SYCP1: variants seen among roughly 807,000 people sequenced by gnomAD.
The protein encoded by SYCP1 is synaptonemal complex protein 1.
A neutral mutation model predicts 153.1 loss-of-function variants in SYCP1; 64 were observed. The observed-to-expected ratio is 0.42, with a 90% CI of 0.34 to 0.51. The LOEUF (loss-of-function observed/expected upper bound fraction) is 0.51, where lower values mean the gene tolerates loss of function less well. SYCP1 is among the 20% of genes least tolerant of loss of function. SYCP1 has a pLI of 0.06. For synonymous variants in SYCP1, 384 were observed against 341.8 expected, an observed-to-expected ratio of 1.12 and a Z score of -1.36; for missense variants, 997 against 1,049.0, an observed-to-expected ratio of 0.95 and a Z score of 0.68.
chr1:114,933,337 G>C (rs1669765927), intron 23 of SYCP1, among the ~76,000 whole-genome samples: 1 of 152,194 alleles, frequency 6.6e-6, no homozygotes, highest in South Asian at 2.1e-4. Context: ...TGAGAGTCCT[G>C]ACTGTTAGAA....
At chr1:114,988,080 C>CAAAAAAA (rs34553973) in intron 30 of SYCP1, among the ~76,000 whole-genome samples, 3 of 114,642 alleles carry the variant, frequency 2.6e-5, no homozygotes, top group Non-Finnish European at 5.1e-5. Flanking sequence ...TGATAAACGG[C>CAAAAAAA]AAAAAAAAAA....
chr1:114,925,827 A>G (rs914362802), intron 21 of SYCP1, among the ~76,000 whole-genome samples: 4 of 152,206 alleles, frequency 2.6e-5, no homozygotes, highest in African/African-American at 7.2e-5. Context: ...ACATATAAGT[A>G]ACATGAAAAT....
At position 114,872,006 on chromosome 1, in the gene SYCP1, CT is replaced by C. The variant is rs71582510; in HGVS notation, c.599-2485del. On this transcript the variant is annotated intron_variant, in intron 8 of 31. Coordinates refer to ENST00000369522, the MANE Select transcript of SYCP1 (RefSeq NM_003176.4). ...GATGCTCTTTTTTTTCTTTCTTTTT[CT>C]TTTTTTTTTTTTTTGGCAGAGATGG... Among the ~76,000 whole-genome samples, 953 of 127,134 alleles carry C rather than the reference CT, an allele frequency of 7.5e-3. 8 individuals are homozygous for C. The highest frequency in any genetic ancestry group is 0.023 in the African/African-American group (800 of 34,744). 83.4% of individuals were successfully genotyped at this position (127,134 alleles called of 152,430 possible).
intron 13 of SYCP1, 135 bp from the exon 14 acceptor site, chr1:114,885,990 C>A: frequency 1.8e-6 from 1 of 557,768 alleles, no homozygotes; most frequent in Non-Finnish European, 3.0e-6. Flanking sequence ...GTGGGCATTC[C>A]AGGGTAGGAA....
chr1:114,977,623 G>C lies in SYCP1; in HGVS notation c.2382+7G>C. On this transcript the variant is annotated splice_region_variant and intron_variant, in intron 28 of 31. Transcript: ENST00000369522. ...TAAAGAAAAAAAAGACAAGGTAAGAGCATATAATTCTCATAGTTTTAAAAT... is the reference window on the plus strand; with the variant it reads ...TAAAGAAAAAAAAGACAAGGTAAGACCATATAATTCTCATAGTTTTAAAAT... The C allele has an allele frequency of 3.4e-6, 5 of 1,481,334 alleles. No homozygotes were observed. Among genetic ancestry groups the C allele is most frequent in the Non-Finnish European group, 4.5e-6 (5 of 1,102,848 alleles). 91.8% of individuals were successfully genotyped at this position (1,481,334 alleles called of 1,614,324 possible).
intron 27 of SYCP1, among the ~76,000 whole-genome samples, chr1:114,975,479 A>G (rs1672750011): frequency 6.6e-6 from 1 of 151,640 alleles, no homozygotes; most frequent in Admixed American, 6.6e-5. Context: ...TACATATACA[A>G]TTTTAGTATT....
chr1:114,923,010 ACT>A (rs1327071880), intron 20 of SYCP1, among the ~76,000 whole-genome samples: 1 of 152,194 alleles, frequency 6.6e-6, no homozygotes, highest in Non-Finnish European at 1.5e-5. Context: ...ATCTCCTTTG[ACT>A]CTATATACCA....
chr1:114,871,097 G>A lies in SYCP1; in HGVS notation c.599-3409G>A, dbSNP rs182621384. On this transcript the variant is annotated intron_variant, in intron 8 of 31. Coordinates refer to ENST00000369522, the MANE Select transcript of SYCP1 (RefSeq NM_003176.4). ...ATATATATTTACAGTAATCCAAGTC[G>A]ACTTTCAAATAACCCTCTACTGCTT... 4.2e-4 allele frequency among the ~76,000 whole-genome samples: 64 copies of A among 151,536 alleles called. 5 individuals are homozygous for A. The East Asian group carries it at 6.0e-3, about 14-fold the overall frequency.
At chr1:114,867,900 A>G (rs1664871485) in intron 8 of SYCP1, among the ~76,000 whole-genome samples, 1 of 152,096 alleles carries the variant, frequency 6.6e-6, no homozygotes, top group Non-Finnish European at 1.5e-5. Flanking sequence ...AGGTTTCTGT[A>G]GATATTCTTT....
At chr1:114,993,839 A>G (rs1199032264) in intron 30 of SYCP1, among the ~76,000 whole-genome samples, 1 of 151,242 alleles carries the variant, frequency 6.6e-6, no homozygotes, top group Non-Finnish European at 1.5e-5. Context: ...ATAACTCTTC[A>G]TCACAACTAA....
rs187863623 is a variant in SYCP1, at chr1:114,930,141, G to A, written c.1926+3578G>A. On this transcript the variant is annotated intron_variant, in intron 23 of 31. Coordinates refer to ENST00000369522, the MANE Select transcript of SYCP1 (RefSeq NM_003176.4). ...GGAAAATGATAAATTATTTTAAACG[G>A]AATGATGAGATAGACATAAAACATA... Among the ~76,000 whole-genome samples, 250 of 151,974 alleles carry A rather than the reference G, an allele frequency of 1.6e-3. 2 individuals carry two copies. The highest frequency in any genetic ancestry group is 5.7e-3 in the African/African-American group (237 of 41,528).
chr1:114,924,878 A>G (rs1278946929), intron 21 of SYCP1, among the ~76,000 whole-genome samples: 3 of 152,104 alleles, frequency 2.0e-5, no homozygotes, highest in Non-Finnish European at 4.4e-5. Flanking sequence ...AGATTGTTAA[A>G]ATTATATTTA....
At chr1:114,859,446 T>G (rs760099322) in intron 6 of SYCP1, among the ~76,000 whole-genome samples, 1 of 152,214 alleles carries the variant, frequency 6.6e-6, no homozygotes, top group Non-Finnish European at 1.5e-5. Context: ...AATGTGACAT[T>G]GTATTAGGAC....
chr1:114,922,274 C>G (rs182409791), intron 20 of SYCP1, among the ~76,000 whole-genome samples: 2 of 152,160 alleles, frequency 1.3e-5, no homozygotes, highest in East Asian at 3.9e-4. Context: ...TAGATTTGCC[C>G]TTTTGAGGCT....
At chr1:114,855,275 C>G (rs577593963) in intron 1 of SYCP1, 166 bp from the exon 2 acceptor site, 1 of 380,092 alleles carries the variant, frequency 2.6e-6, no homozygotes, top group East Asian at 4.4e-5. Flanking sequence ...CCGTTGCCCA[C>G]TCCGCGGTAA....
Position 114,977,589 on chromosome 1 carries a change from A to G in SYCP1, c.2355A>G (p.Thr785=). ...EKLKREAKEN[T]ATLKEKKDKK... ...TCAAAAGAGAGGCAAAAGAAAACAC[A>G]GCTACTCTTAAAGAAAAAAAAGACA... The change falls in exon 28 of 32, where the codon ACA becomes ACG. Residue 785 remains threonine, a synonymous_variant. Transcript: ENST00000369522. 1 of 1,509,072 alleles carries G rather than the reference A, an allele frequency of 6.6e-7. No individual in the cohort carries two copies. The allele number at this position is 1,509,072 out of a possible 1,614,324, so 93.5% of individuals were successfully genotyped here.
At chr1:114,926,079 C>A (rs1223185142) in intron 21 of SYCP1, among the ~76,000 whole-genome samples, 199 bp from the exon 22 acceptor site, 1 of 151,946 alleles carries the variant, frequency 6.6e-6, no homozygotes, top group Non-Finnish European at 1.5e-5. Flanking sequence ...TTGGAAGTTG[C>A]AGTGAGCTAT....
In SYCP1 at chr1:114,907,950, CAT is replaced by C. The variant is rs1667923059; in HGVS notation, c.1321-2444_1321-2443del. Among the ~76,000 whole-genome samples the C allele has an allele frequency of 2.0e-5, 3 of 152,168 alleles. No individual in the cohort carries two copies. In the South Asian group the frequency reaches 6.2e-4, roughly 32 times the overall value. ...GTGCTATAATTTTTGCTTTAGTAGT[CAT>C]ATGTTTTTTAAATAACTTGAAGAAA... On this transcript the variant is annotated intron_variant, in intron 16 of 31. Transcript: ENST00000369522.
intron 6 of SYCP1, 150 bp from the exon 7 acceptor site, chr1:114,859,593 C>A: frequency 3.3e-6 from 1 of 301,792 alleles, no homozygotes; most frequent in Non-Finnish European, 5.8e-6. Context: ...AAATCATAAG[C>A]TATTACAAAA....
Sources: gnomAD v4.1 joint callset for allele counts (sites outside exome capture counted in the v4.1 genomes callset) on GRCh38, gnomAD v4.1.1 for gene constraint, MANE v1.5 for transcripts, NCBI Gene and HGNC (gene_info 2026-07-23, HGNC 2026-07-21) for gene names.